Variants in ITIH4 observed in about 807,000 individuals in gnomAD.
ITIH4 encodes the protein inter-alpha-trypsin inhibitor heavy chain 4.
In ITIH4, 79 loss-of-function variants were observed where a neutral mutation model predicts 111.8. That is an observed-to-expected ratio of 0.71 (90% CI 0.59 to 0.85). The LOEUF is 0.85. Ranked by LOEUF, ITIH4 falls within the 40% of genes least tolerant of loss-of-function variation. ITIH4 has a pLI of 0.00. For missense variants in ITIH4, 1,065 were observed against 1,195.8 expected, an observed-to-expected ratio of 0.89 and a Z score of 1.61; for synonymous variants, 472 against 468.3, an observed-to-expected ratio of 1.01 and a Z score of -0.10.
chr3:52,817,759 G>A (rs1419797704), intron 20 of ITIH4, among the ~76,000 whole-genome samples: 2 of 152,200 alleles, frequency 1.3e-5, no homozygotes, highest in Non-Finnish European at 2.9e-5. Context: ...TGTGACCCCA[G>A]GCAGCTCCCC....
Position 52,814,251 on chromosome 3 carries a change from G to T in ITIH4, c.2584C>A (p.Arg862Ser), listed in dbSNP as rs748153261. ...TGGCTGGAGAAGCGGTCAGTGTCAC[G>T]CAGAAGGAGCCGGAGCCCCTCCCCA... ...GRGEGLRLLL[R>S]DTDRFSSHVG... The change falls in exon 22 of 24, where the codon CGT (arginine) becomes AGT (serine). Residue 862 changes from arginine to serine, a missense_variant. Arg to Ser is a moderately radical substitution (Grantham distance 110). Coordinates refer to ENST00000266041, the MANE Select transcript of ITIH4 (RefSeq NM_002218.5). 1 of 1,613,668 alleles carries T rather than the reference G, an allele frequency of 6.2e-7. No individual in the cohort carries two copies. Among genetic ancestry groups the T allele is most frequent in the Admixed American group, 1.7e-5 (1 of 60,016 alleles).
In ITIH4 at chr3:52,820,335, A is replaced by T. The variant is rs746872999; in HGVS notation, c.1835-18T>A. On this transcript the variant is annotated intron_variant, in intron 13 of 23. Coordinates refer to ENST00000266041, the MANE Select transcript of ITIH4 (RefSeq NM_002218.5). ...TCTACTTTCTGGATAAAACAAAGAG[A>T]GAGAGAGAGACAGACAGACAGAGAC... 1.1e-5 allele frequency: 17 copies of T among 1,613,024 alleles called. No homozygotes were observed. The highest frequency in any genetic ancestry group is 1.4e-5 in the Non-Finnish European group (17 of 1,179,308).
At position 52,819,992 on chromosome 3, in the gene ITIH4, T is replaced by C; in HGVS notation, c.1862-2A>G. 1 of 1,613,990 alleles carries C rather than the reference T, an allele frequency of 6.2e-7. No homozygotes were observed. The highest frequency in any genetic ancestry group is 1.6e-4 in the Middle Eastern group (1 of 6,062). On this transcript the variant is annotated splice_acceptor_variant, in intron 14 of 23. Coordinates refer to ENST00000266041, the MANE Select transcript of ITIH4 (RefSeq NM_002218.5). LOFTEE classifies it high-confidence loss of function. ...GATAATATTTGAAGAAAGTGGAACC[T>C]GGAAATCAGTGGGACCTGGGTTTGC... is the stretch of plus-strand genomic sequence containing the variant.
Position 52,819,951 on chromosome 3 carries a change from AT to A in ITIH4, c.1900del (p.Ile634TyrfsTer25). The A allele has an allele frequency of 2.5e-6, 4 of 1,613,846 alleles. No individual in the cohort carries two copies. The highest frequency in any genetic ancestry group is 2.5e-6 in the Non-Finnish European group (3 of 1,179,952). ...TCCTACTTTGTCACCTGGTTTTGGTATTTTTGCTCCCTGGAGATAATATTTG... is the reference window on the plus strand; with the variant it reads ...TCCTACTTTGTCACCTGGTTTTGGTATTTTGCTCCCTGGAGATAATATTTG... ...FFKYYLQGAK[I>X]PKPEASFSPR... On this transcript the variant is annotated frameshift_variant, in exon 15 of 24. Transcript: ENST00000266041. LOFTEE classifies it high-confidence loss of function.
rs767109054 is a variant in ITIH4, at chr3:52,817,044, C to T, written c.2311G>A (p.Gly771Ser). Residue 771 changes from glycine to serine, a missense_variant, in exon 21 of 24, where the codon GGC becomes AGC. Gly to Ser is a moderately conservative substitution (Grantham distance 56, BLOSUM62 0). Coordinates refer to ENST00000266041, the MANE Select transcript of ITIH4 (RefSeq NM_002218.5). Reference sequence around the variant, plus strand: ...CCAGCCTTCTCCCTCTCATACTGGCCAGTCACCTCAACCCCTGGGAGGACC... The same window carrying T: ...CCAGCCTTCTCCCTCTCATACTGGCTAGTCACCTCAACCCCTGGGAGGACC... ...SDPEQGVEVT[G>S]QYEREKAGFS... The T allele has an allele frequency of 6.2e-7, 1 of 1,613,428 alleles. No individual in the cohort carries two copies. Among genetic ancestry groups the T allele is most frequent in the African/African-American group, 1.3e-5 (1 of 74,944 alleles).
intron 5 of ITIH4, 43 bp downstream of exon 5, chr3:52,826,498 C>T: frequency 6.9e-7 from 1 of 1,455,484 alleles, no homozygotes; most frequent in South Asian, 1.1e-5. Context: ...GGCCTGAAGG[C>T]AGGGCCCTTG....
chr3:52,817,143 C>G (rs866883077), intron 20 of ITIH4, 85 bp from the exon 21 acceptor site: 2 of 1,175,896 alleles, frequency 1.7e-6, no homozygotes, highest in East Asian at 2.4e-5. Flanking sequence ...CCTGATCACA[C>G]CCCCTGGAGT....
intron 1 of ITIH4, among the ~76,000 whole-genome samples, chr3:52,829,669 G>A (rs930478161): frequency 6.6e-6 from 1 of 152,216 alleles, no homozygotes; most frequent in Non-Finnish European, 1.5e-5. Context: ...GGGTCAGGGA[G>A]CTTTGCATGC....
chr3:52,817,960 G>T, intron 20 of ITIH4, 92 bp downstream of exon 20: 1 of 977,290 alleles, frequency 1.0e-6, no homozygotes, highest in Non-Finnish European at 1.6e-6. Context: ...GGCCTGTGTG[G>T]GGCCAGCCTG....
rs777090674 is a variant in ITIH4, at chr3:52,820,990, C to T, written c.1679+1G>A. 6.2e-6 allele frequency: 10 copies of T among 1,613,548 alleles called. No homozygotes were observed. The highest frequency in any genetic ancestry group is 1.1e-5 in the South Asian group (1 of 91,002). On this transcript the variant is annotated splice_donor_variant, in intron 12 of 23. Transcript: ENST00000266041. LOFTEE classifies it high-confidence loss of function. ...GCTTAGGGAGGTGCTGATGCACTCA[C>T]GTTTGCTCCAGCAGCTGCTGGATAG... is the stretch of plus-strand genomic sequence containing the variant.
intron 11 of ITIH4, chr3:52,822,241 G>A (rs1187419215): frequency 1.3e-5 from 2 of 152,140 alleles, no homozygotes; most frequent in African/African-American, 4.8e-5. Flanking sequence ...TACTTGGGAG[G>A]CTGAGGCAGG....
intron 3 of ITIH4, 45 bp from the exon 4 acceptor site, chr3:52,826,998 G>C (rs939499547): frequency 6.2e-7 from 1 of 1,613,246 alleles, no homozygotes; most frequent in Non-Finnish European, 8.5e-7. Flanking sequence ...GACAGGTGGG[G>C]TAAGGCTGGT....
At chr3:52,816,442 G>A (rs1390504247) in intron 21 of ITIH4, among the ~76,000 whole-genome samples, 1 of 152,232 alleles carries the variant, frequency 6.6e-6, no homozygotes, top group Non-Finnish European at 1.5e-5. Flanking sequence ...ACGTCACTAT[G>A]TAGGCAGCGC....
intron 13 of ITIH4, 55 bp downstream of exon 13, chr3:52,820,576 A>C: frequency 6.4e-7 from 1 of 1,555,254 alleles, no homozygotes; most frequent in Non-Finnish European, 8.7e-7. Flanking sequence ...ATCGGGGAGA[A>C]CGCTGGGTCC....
intron 1 of ITIH4, chr3:52,829,782 G>T (rs1442755605): frequency 6.3e-6 from 1 of 158,442 alleles, no homozygotes; most frequent in Non-Finnish European, 1.4e-5. Flanking sequence ...CTCCTAGAAG[G>T]AAGCCCTCAG....
In ITIH4 at chr3:52,824,500, G is replaced by A. The variant is rs765128644; in HGVS notation, c.942C>T (p.Val314=). ...LSPRDQFNLI[V]FSTEATQWRP... ...TCCACTGAGTTGCTTCTGTACTGAA[G>A]ACGATGAGGTTGAACTGGTCTCTGG... Residue 314 remains valine (V), a synonymous_variant, in exon 8 of 24, where the codon GTC becomes GTT. Transcript: ENST00000266041. This position sits in a 1 kb window ranked among gnomAD's most constrained non-coding sequence, Gnocchi z 4.3. 2.5e-6 allele frequency: 4 copies of A among 1,614,174 alleles called. No individual in the cohort carries two copies. In the East Asian group the frequency reaches 8.9e-5, roughly 36 times the overall value.
At chr3:52,814,431 T>C in intron 21 of ITIH4, 68 bp from the exon 22 acceptor site, 1 of 1,425,694 alleles carries the variant, frequency 7.0e-7, no homozygotes, top group Non-Finnish European at 9.8e-7. Flanking sequence ...GTAGTCAGGG[T>C]GGGGAGTGGG....
intron 1 of ITIH4, chr3:52,829,958 G>C: frequency 4.9e-6 from 1 of 202,626 alleles, no homozygotes; most frequent in East Asian, 1.3e-4. Context: ...GGGGCACACG[G>C]GCACCTCTTA....
intron 12 of ITIH4, 38 bp from the exon 13 acceptor site, chr3:52,820,823 A>C: frequency 6.4e-7 from 1 of 1,574,128 alleles, no homozygotes. Flanking sequence ...GAGATCCTTG[A>C]ATTCGGGAAC....
Sources: allele counts gnomAD v4.1 joint callset (sites outside exome capture counted in the v4.1 genomes callset), GRCh38; gene constraint gnomAD v4.1.1; non-coding constraint Gnocchi (gnomAD v3.1); transcripts MANE v1.5; gene names NCBI Gene and HGNC (gene_info 2026-07-23, HGNC 2026-07-21).